EPM2A: variants seen among roughly 807,000 people sequenced by gnomAD.
The protein encoded by EPM2A is EPM2A glucan phosphatase, laforin.
In EPM2A, 21 loss-of-function variants were observed where a neutral mutation model predicts 26.5. The observed-to-expected ratio is 0.79, with a 90% CI of 0.56 to 1.14. EPM2A has a LOEUF of 1.14. Ranked by LOEUF, EPM2A falls within the 50% of genes most tolerant of loss-of-function variation. The probability of loss-of-function intolerance (pLI) is 0.00; values close to 1 mark genes in which losing one functional copy is unlikely to be tolerated. For missense variants in EPM2A, 458 were observed against 440.8 expected, an observed-to-expected ratio of 1.04 and a Z score of -0.35; for synonymous variants, 217 against 177.6, an observed-to-expected ratio of 1.22 and a Z score of -1.76.
intron 4 of EPM2A, among the ~76,000 whole-genome samples, chr6:145,471,541 T>C (rs1779473178): frequency 6.6e-6 from 1 of 152,090 alleles, no homozygotes; most frequent in Non-Finnish European, 1.5e-5. Context: ...CAGTTCTGAA[T>C]TGCCAACACC....
At chr6:145,428,554 G>A (rs1778881911) in intron 4 of EPM2A, among the ~76,000 whole-genome samples, 1 of 152,124 alleles carries the variant, frequency 6.6e-6, no homozygotes, top group South Asian at 2.1e-4. Flanking sequence ...TTTTAGAAAA[G>A]GATACAATTA....
intron 1 of EPM2A, among the ~76,000 whole-genome samples, chr6:145,694,809 C>T (rs1306799194): frequency 1.3e-5 from 2 of 151,966 alleles, no homozygotes; most frequent in East Asian, 3.8e-4. Flanking sequence ...GTCAGTACAA[C>T]CTACCACATT....
chr6:145,659,264 A>G (rs1434799062), intron 2 of EPM2A, among the ~76,000 whole-genome samples: 1 of 152,184 alleles, frequency 6.6e-6, no homozygotes, highest in South Asian at 2.1e-4. Context: ...TGCATGAATC[A>G]TACACTCTGG....
intron 2 of EPM2A, among the ~76,000 whole-genome samples, chr6:145,508,847 A>C (rs566641677): frequency 3.3e-5 from 5 of 152,244 alleles, no homozygotes; most frequent in Admixed American, 6.5e-5. Context: ...CAAACAAGCC[A>C]GCAAAATGAT....
intron 2 of EPM2A, among the ~76,000 whole-genome samples, chr6:145,533,501 A>C (rs1055235013): frequency 6.6e-6 from 1 of 152,172 alleles, no homozygotes. Flanking sequence ...AGAACTAAAA[A>C]TCCCTATGCT....
intron 2 of EPM2A, among the ~76,000 whole-genome samples, chr6:145,642,362 AGACC>A (rs1777148063): frequency 6.6e-6 from 1 of 152,200 alleles, no homozygotes; most frequent in African/African-American, 2.4e-5. Flanking sequence ...GAAGCACAAA[AGACC>A]AAGGAATAAA....
At chr6:145,705,008 G>A (rs573162985) in intron 1 of EPM2A, among the ~76,000 whole-genome samples, 2 of 152,340 alleles carry the variant, frequency 1.3e-5, no homozygotes, top group African/African-American at 2.4e-5. Flanking sequence ...AAGATGGAGT[G>A]TATTCCAGTT....
chr6:145,667,852 A>G (rs1403321991), intron 2 of EPM2A, among the ~76,000 whole-genome samples: 12 of 150,056 alleles, frequency 8.0e-5, no homozygotes, highest in African/African-American at 3.0e-4. Flanking sequence ...TGATGAGTTC[A>G]TGTCCTTTGT....
chr6:145,712,680 A>C (rs2128632846), intron 1 of EPM2A, among the ~76,000 whole-genome samples: 1 of 152,282 alleles, frequency 6.6e-6, no homozygotes, highest in East Asian at 1.9e-4. Flanking sequence ...GTGTTTTGAG[A>C]CACTAGCCAA....
chr6:145,448,108 G>C (rs1357225931), intron 4 of EPM2A, among the ~76,000 whole-genome samples: 1 of 152,028 alleles, frequency 6.6e-6, no homozygotes, highest in Non-Finnish European at 1.5e-5. Context: ...TTCTCTCAAA[G>C]GGCACAAGAG....
intron 2 of EPM2A, among the ~76,000 whole-genome samples, chr6:145,509,929 C>A (rs1000792021): frequency 6.6e-6 from 1 of 151,874 alleles, no homozygotes; most frequent in Non-Finnish European, 1.5e-5. Flanking sequence ...GAGTAAATGT[C>A]ACTATTCTTG....
At chr6:145,389,717 A>G (rs1247674051) in intron 4 of EPM2A, among the ~76,000 whole-genome samples, 2 of 152,192 alleles carry the variant, frequency 1.3e-5, no homozygotes, top group Non-Finnish European at 2.9e-5. Context: ...TCCTTGCTTG[A>G]TAAGCAGTGA....
chr6:145,651,293 G>A (rs1777861093), intron 2 of EPM2A, among the ~76,000 whole-genome samples: 1 of 152,158 alleles, frequency 6.6e-6, no homozygotes, highest in Non-Finnish European at 1.5e-5. Context: ...TTCTACATCA[G>A]CTTTTTAAAA....
intron 1 of EPM2A, among the ~76,000 whole-genome samples, chr6:145,696,425 C>G (rs1378404626): frequency 6.6e-6 from 1 of 152,088 alleles, no homozygotes; most frequent in African/African-American, 2.4e-5. Flanking sequence ...GTATAAATTT[C>G]AAAGGTTTCT....
chr6:145,616,246 T>C (rs113546667), intron 2 of EPM2A, among the ~76,000 whole-genome samples: 233 of 152,330 alleles, frequency 1.5e-3, no homozygotes, highest in African/African-American at 5.2e-3. Context: ...GGGGCCAACA[T>C]AGAGCTCAGG....
At chr6:145,599,522 T>C (rs539337339) in intron 2 of EPM2A, among the ~76,000 whole-genome samples, 1 of 152,168 alleles carries the variant, frequency 6.6e-6, no homozygotes, top group Non-Finnish European at 1.5e-5. Flanking sequence ...CATTCTATTT[T>C]TTCTGATTAA....
chr6:145,540,237 A>C (rs1195924136), intron 2 of EPM2A, among the ~76,000 whole-genome samples: 1 of 152,200 alleles, frequency 6.6e-6, no homozygotes, highest in Non-Finnish European at 1.5e-5. Flanking sequence ...CTTTCTATTA[A>C]TAAACTGAAC....
chr6:145,422,888 AT>A (rs1056975790), intron 4 of EPM2A, among the ~76,000 whole-genome samples: 6 of 151,896 alleles, frequency 4.0e-5, no homozygotes, highest in East Asian at 3.9e-4. Context: ...ATCACTAAAA[AT>A]TTTTTTTCTA....
At chr6:145,502,322 T>G (rs1779901432) in intron 3 of EPM2A, among the ~76,000 whole-genome samples, 1 of 152,252 alleles carries the variant, frequency 6.6e-6, no homozygotes, top group Non-Finnish European at 1.5e-5. Context: ...GGCTTCCATC[T>G]GCCACACAGC....
Sources: gnomAD v4.1 joint callset for allele counts (sites outside exome capture counted in the v4.1 genomes callset) on GRCh38, gnomAD v4.1.1 for gene constraint, MANE v1.5 for transcripts, NCBI Gene and HGNC (gene_info 2026-07-23, HGNC 2026-07-21) for gene names.